DAB1: variants seen among roughly 807,000 people sequenced by gnomAD.
DAB1 encodes the protein disabled homolog 1.
DAB1 carries 15 observed loss-of-function variants against 64.6 expected under a neutral mutation model. That is an observed-to-expected ratio of 0.23 (90% CI 0.16 to 0.36). The LOEUF (loss-of-function observed/expected upper bound fraction) is 0.36, where lower values mean the gene tolerates loss of function less well. DAB1 is among the 10% of genes least tolerant of loss of function. The pLI is 1.00. For synonymous variants in DAB1, 235 were observed against 251.9 expected (o/e 0.93, Z 0.64); for missense variants, 596 against 706.7 (o/e 0.84, Z 1.78).
intron 4 of DAB1, among the ~76,000 whole-genome samples, chr1:58,210,540 G>T (rs780828081): frequency 6.6e-6 from 1 of 152,230 alleles, no homozygotes; most frequent in Middle Eastern, 3.2e-3. Context: ...TCTGAGCTGA[G>T]AAATGTCTAC....
At chr1:57,644,044 C>G (rs1646162638) in intron 7 of DAB1, among the ~76,000 whole-genome samples, 1 of 152,206 alleles carries the variant, frequency 6.6e-6, no homozygotes, top group Non-Finnish European at 1.5e-5. Flanking sequence ...TCTCTTCCCT[C>G]TATATCACCT....
intron 4 of DAB1, among the ~76,000 whole-genome samples, chr1:58,182,726 GCTTTCAC>G (rs1335397767): frequency 6.6e-6 from 1 of 151,738 alleles, no homozygotes; most frequent in African/African-American, 2.4e-5. Flanking sequence ...AACATGGTTT[GCTTTCAC>G]CTTTGAACAG....
intron 4 of DAB1, among the ~76,000 whole-genome samples, chr1:58,243,103 G>C (rs1281625607): frequency 6.6e-6 from 1 of 152,064 alleles, no homozygotes; most frequent in Non-Finnish European, 1.5e-5. Context: ...GACACCATGT[G>C]TTGCACTCAG....
intron 7 of DAB1, among the ~76,000 whole-genome samples, chr1:57,618,767 T>C (rs949641507): frequency 2.0e-5 from 3 of 152,162 alleles, no homozygotes; most frequent in Non-Finnish European, 4.4e-5. Context: ...AGAATCAGCA[T>C]ATACATACAC....
At chr1:57,666,623 C>T (rs1646450561) in intron 6 of DAB1, among the ~76,000 whole-genome samples, 1 of 152,104 alleles carries the variant, frequency 6.6e-6, no homozygotes, top group Non-Finnish European at 1.5e-5. Flanking sequence ...TTGACTGTTT[C>T]TTTTTTGATT....
intron 7 of DAB1, among the ~76,000 whole-genome samples, chr1:57,496,527 G>A (rs1049499998): frequency 6.6e-6 from 1 of 152,038 alleles, no homozygotes; most frequent in Admixed American, 6.6e-5. Flanking sequence ...CACAGCCCAC[G>A]TCTTCTGATT....
At chr1:57,526,682 G>T (rs1357786) in intron 7 of DAB1, among the ~76,000 whole-genome samples, 106,097 of 152,026 alleles carry the variant, frequency 0.7, 37,242 homozygotes, top group South Asian at 0.79. Flanking sequence ...AAATAAGAAA[G>T]ATATATTTTC....
At chr1:57,619,987 A>G (rs1457348692) in intron 7 of DAB1, among the ~76,000 whole-genome samples, 1 of 152,124 alleles carries the variant, frequency 6.6e-6, no homozygotes, top group East Asian at 1.9e-4. Flanking sequence ...TGGTGACAAG[A>G]ACAACGACTG....
chr1:57,978,961 G>T (rs1411530325), intron 5 of DAB1, among the ~76,000 whole-genome samples: 1 of 152,198 alleles, frequency 6.6e-6, no homozygotes, highest in Non-Finnish European at 1.5e-5. Flanking sequence ...GTACATTGCT[G>T]GTGGGAGTAT....
intron 2 of DAB1, among the ~76,000 whole-genome samples, chr1:57,196,022 A>C (rs528173812): frequency 6.6e-6 from 1 of 152,014 alleles, no homozygotes; most frequent in South Asian, 2.1e-4. Context: ...CAGTGCTGTG[A>C]GGATGGGGTG....
At chr1:57,928,257 G>A (rs912318235) in intron 5 of DAB1, among the ~76,000 whole-genome samples, 2 of 151,892 alleles carry the variant, frequency 1.3e-5, no homozygotes, top group East Asian at 1.9e-4. Context: ...CCTATCCCCC[G>A]AGAGGCAACC....
At chr1:57,580,387 C>T (rs1331892568) in intron 7 of DAB1, among the ~76,000 whole-genome samples, 1 of 152,120 alleles carries the variant, frequency 6.6e-6, no homozygotes. Context: ...CCGACTGTGA[C>T]AATCTGGTTC....
chr1:57,966,729 T>G (rs560369906), intron 5 of DAB1, among the ~76,000 whole-genome samples: 2 of 152,358 alleles, frequency 1.3e-5, no homozygotes, highest in African/African-American at 4.8e-5. Context: ...GTTTTTCGTG[T>G]ATGTACACAT....
upstream of DAB1, among the ~76,000 whole-genome samples, chr1:57,888,271 A>T (rs1246192105): frequency 2.6e-5 from 4 of 152,194 alleles, no homozygotes; most frequent in Non-Finnish European, 5.9e-5. Flanking sequence ...ATTCACAAAC[A>T]TACCGAGACA....
At chr1:57,885,340 G>T (rs1644206157), upstream of DAB1, among the ~76,000 whole-genome samples, 1 of 152,204 alleles carries the variant, frequency 6.6e-6, no homozygotes, top group South Asian at 2.1e-4. Flanking sequence ...CCACAGCTAT[G>T]AAGGGCAGAG....
intron 1 of DAB1, among the ~76,000 whole-genome samples, chr1:57,871,371 T>C (rs1643945952): frequency 6.6e-6 from 1 of 152,186 alleles, no homozygotes; most frequent in Non-Finnish European, 1.5e-5. Flanking sequence ...TCATATGAGA[T>C]AAATGTTATT....
At chr1:57,971,217 A>C (rs1645788260) in intron 5 of DAB1, among the ~76,000 whole-genome samples, 1 of 152,156 alleles carries the variant, frequency 6.6e-6, no homozygotes, top group African/African-American at 2.4e-5. Context: ...ACAATTGCTG[A>C]GTTTCCCTTG....
At chr1:57,459,747 A>G (rs1686718849) in intron 7 of DAB1, among the ~76,000 whole-genome samples, 1 of 152,212 alleles carries the variant, frequency 6.6e-6, no homozygotes, top group South Asian at 2.1e-4. Context: ...CCCCTTGACT[A>G]CTGAGCCAAT....
intron 5 of DAB1, among the ~76,000 whole-genome samples, chr1:58,099,247 C>T (rs896889924): frequency 1.3e-5 from 2 of 152,194 alleles, no homozygotes; most frequent in Non-Finnish European, 2.9e-5. Context: ...TTTCTGTGTA[C>T]TTCTGGCCAC....
Sources: gnomAD v4.1 joint callset for allele counts (sites outside exome capture counted in the v4.1 genomes callset) on GRCh38, gnomAD v4.1.1 for gene constraint, MANE v1.5 for transcripts, NCBI Gene and HGNC (gene_info 2026-07-23, HGNC 2026-07-21) for gene names.